The following ALDH18A1 variants were observed in gnomAD, a reference collection of about 807,000 sequenced individuals.
ALDH18A1 encodes delta-1-pyrroline-5-carboxylate synthase.
Under a neutral mutation model 88.8 loss-of-function variants are expected in ALDH18A1, and 44 were observed. The ratio of observed to expected loss-of-function variants is 0.50; its 90% CI spans 0.39 to 0.64. The LOEUF (loss-of-function observed/expected upper bound fraction) is 0.64, where lower values mean the gene tolerates loss of function less well. Ranked by LOEUF, ALDH18A1 falls within the 30% of genes least tolerant of loss-of-function variation. The pLI is 0.00. For synonymous variants in ALDH18A1, 331 were observed against 372.1 expected, an observed-to-expected ratio of 0.89 and a Z score of 1.27; for missense variants, 782 against 1,009.5, an observed-to-expected ratio of 0.77 and a Z score of 3.05.
rs116359407 is a variant in ALDH18A1, at chr10:95,635,143, T to C, written c.559-1494A>G. Among the ~76,000 whole-genome samples the C allele has an allele frequency of 5.6e-3, 847 of 152,294 alleles. 8 individuals are homozygous for C. Among genetic ancestry groups the C allele is most frequent in the African/African-American group, 0.02 (817 of 41,558 alleles). On this transcript the variant is annotated intron_variant, in intron 5 of 17. Transcript: ENST00000371224. ...ATGGAGAATAAGAATGTTGATGTCT[T>C]GGGGAAAAATAAAATGGAGCATATT...
intron 12 of ALDH18A1, among the ~76,000 whole-genome samples, chr10:95,618,162 G>C (rs529936660): frequency 6.6e-6 from 1 of 152,244 alleles, no homozygotes; most frequent in East Asian, 1.9e-4. Context: ...AGTCCAGTGG[G>C]GGAAATGCTC....
chr10:95,613,702 T>C, intron 15 of ALDH18A1, 40 bp downstream of exon 15: 1 of 1,613,296 alleles, frequency 6.2e-7, no homozygotes, highest in East Asian at 2.2e-5. Context: ...CACAGGCTTC[T>C]AAGACAGGAA....
At chr10:95,623,794 A>C (rs188458439) in intron 11 of ALDH18A1, among the ~76,000 whole-genome samples, 15 of 152,042 alleles carry the variant, frequency 9.9e-5, no homozygotes, top group Admixed American at 2.6e-4. Flanking sequence ...TGAGCTCCCA[A>C]CCTCAGGTGA....
At chr10:95,624,481 A>G (rs1477834221) in intron 11 of ALDH18A1, among the ~76,000 whole-genome samples, 1 of 152,240 alleles carries the variant, frequency 6.6e-6, no homozygotes, top group Non-Finnish European at 1.5e-5. Context: ...TGGTTCAAAA[A>G]TGTTTTAAGG....
At chr10:95,641,387 A>G (rs367787994) in intron 3 of ALDH18A1, among the ~76,000 whole-genome samples, 2 of 152,252 alleles carry the variant, frequency 1.3e-5, no homozygotes, top group African/African-American at 4.8e-5. Context: ...GAGAGGGTAG[A>G]GAGGCTAGTG....
At chr10:95,626,565 A>T in intron 10 of ALDH18A1, 138 bp downstream of exon 10, 1 of 810,574 alleles carries the variant, frequency 1.2e-6, no homozygotes, top group Non-Finnish European at 2.0e-6. Context: ...AGGCAGAGCA[A>T]ATTTGAATCA....
intron 2 of ALDH18A1, among the ~76,000 whole-genome samples, chr10:95,645,131 T>TG (rs2097899062): frequency 1.3e-5 from 2 of 152,068 alleles, no homozygotes; most frequent in South Asian, 4.1e-4. Context: ...TGTCAATCAG[T>TG]GGGGGGTAGA....
At chr10:95,652,553 T>C (rs1030017484) in intron 2 of ALDH18A1, among the ~76,000 whole-genome samples, 2 of 152,062 alleles carry the variant, frequency 1.3e-5, no homozygotes, top group East Asian at 1.9e-4. Flanking sequence ...CTGGCCAACA[T>C]GGCGAAACCC....
chr10:95,613,671 T>C, intron 15 of ALDH18A1, 71 bp downstream of exon 15: 1 of 1,448,192 alleles, frequency 6.9e-7, no homozygotes, highest in Non-Finnish European at 9.6e-7. Flanking sequence ...TTATATGGTA[T>C]GGCTGTGCCT....
At chr10:95,607,076 G>A in intron 17 of ALDH18A1, 133 bp from the exon 18 acceptor site, 4 of 870,946 alleles carry the variant, frequency 4.6e-6, no homozygotes, top group Non-Finnish European at 7.7e-6. Flanking sequence ...ATCCTCCCCA[G>A]AAGAGCTGAG....
chr10:95,639,807 T>C (rs1181521469), intron 3 of ALDH18A1, among the ~76,000 whole-genome samples: 1 of 152,180 alleles, frequency 6.6e-6, no homozygotes, highest in African/African-American at 2.4e-5. Context: ...TAATTTTTTG[T>C]TAAACTGAGT....
chr10:95,606,629 A>G lies in ALDH18A1; in HGVS notation c.*133T>C. On this transcript the variant is annotated 3_prime_UTR_variant, in exon 18 of 18. Coordinates refer to ENST00000371224, the MANE Select transcript of ALDH18A1 (RefSeq NM_002860.4). ...AGACTGCTATTGCCAAACGGAGCCC[A>G]GAAGCATCCAGGTACACTTTCCAAC... 13 of 1,601,046 alleles carry G rather than the reference A, an allele frequency of 8.1e-6. No homozygotes were observed. The highest frequency in any genetic ancestry group is 1.0e-5 in the Non-Finnish European group (12 of 1,176,352).
intron 2 of ALDH18A1, among the ~76,000 whole-genome samples, chr10:95,646,791 GTGTA>G (rs1466789454): frequency 6.6e-6 from 1 of 152,186 alleles, no homozygotes; most frequent in African/African-American, 2.4e-5. Flanking sequence ...GCATACTGAA[GTGTA>G]TGTGTGTACA....
At chr10:95,647,530 T>C (rs1028392917) in intron 2 of ALDH18A1, among the ~76,000 whole-genome samples, 1 of 152,246 alleles carries the variant, frequency 6.6e-6, no homozygotes, top group Admixed American at 6.5e-5. Flanking sequence ...TACAGTCTTT[T>C]GTTATAATGT....
At position 95,611,313 on chromosome 10, in the gene ALDH18A1, T is replaced by C; in HGVS notation, c.2053A>G (p.Ile685Val). 1 of 1,614,224 alleles carries C rather than the reference T, an allele frequency of 6.2e-7. No individual in the cohort carries two copies. Among genetic ancestry groups the C allele is most frequent in the Non-Finnish European group, 8.5e-7 (1 of 1,180,028 alleles). ...IEVVDNVQDA[I>V]DHIHKYGSSH... Reference sequence around the variant, plus strand: ...CTGCCATACTTGTGGATGTGGTCAATGGCATCCTGAACGTTGTCCACTACT... The same window carrying C: ...CTGCCATACTTGTGGATGTGGTCAACGGCATCCTGAACGTTGTCCACTACT... The change falls in exon 16 of 18, where the codon ATT becomes GTT. Residue 685 changes from isoleucine to valine, a missense_variant. By Grantham distance (29) the Ile-to-Val change is conservative. Transcript: ENST00000371224.
At chr10:95,635,525 A>G (rs902437633) in intron 5 of ALDH18A1, among the ~76,000 whole-genome samples, 1 of 152,230 alleles carries the variant, frequency 6.6e-6, no homozygotes, top group East Asian at 1.9e-4. Context: ...CTGGCAAACC[A>G]CCTACTGGAA....
chr10:95,627,528 G>C lies in ALDH18A1; in HGVS notation c.992C>G (p.Thr331Ser), dbSNP rs1350825323. Residue 331 changes from threonine (T) to serine (S), a missense_variant, in exon 9 of 18, where the codon ACC (threonine) becomes AGC (serine). This residue lies in a region of ALDH18A1 where 556 missense variants were observed against 654.5 expected (regional missense o/e 0.85). Transcript: ENST00000371224. The stretch of plus-strand genomic sequence containing the variant: ...GACGTGCCCAGACACCTTTGGGTGG[G>C]TTCCATTGGCAATAACAACAGAAGT... ...GGTSVVIANG[T>S]HPKVSGHVIT... 6.2e-7 allele frequency: 1 copy of C among 1,614,080 alleles called. No individual in the cohort carries two copies. The highest frequency in any genetic ancestry group is 1.3e-5 in the African/African-American group (1 of 75,022).
At chr10:95,608,910 T>C (rs1330508921) in intron 17 of ALDH18A1, among the ~76,000 whole-genome samples, 2 of 152,206 alleles carry the variant, frequency 1.3e-5, no homozygotes, top group Non-Finnish European at 2.9e-5. Flanking sequence ...AGTTTAGCTC[T>C]TGTTGCCCAG....
chr10:95,611,974 A>G (rs1394133662), intron 15 of ALDH18A1, among the ~76,000 whole-genome samples: 2 of 59,406 alleles, frequency 3.4e-5, no homozygotes, highest in South Asian at 4.2e-4. Flanking sequence ...CGTCTCAAAG[A>G]AAAAAAAAAG....
Sources: allele counts gnomAD v4.1 joint callset (sites outside exome capture counted in the v4.1 genomes callset), GRCh38; gene constraint gnomAD v4.1.1; regional missense constraint gnomAD v4.1.1; transcripts MANE v1.5; gene names NCBI Gene and HGNC (gene_info 2026-07-23, HGNC 2026-07-21).